Variants in SLC16A1 observed in about 807,000 individuals in gnomAD.
SLC16A1 encodes solute carrier family 16 member 1.
SLC16A1 carries 11 observed loss-of-function variants against 32.2 expected under a neutral mutation model. That is an observed-to-expected ratio of 0.34 (90% CI 0.21 to 0.56). SLC16A1 has a LOEUF of 0.56. Ranked by LOEUF, SLC16A1 falls within the 20% of genes least tolerant of loss-of-function variation. The pLI is 0.87. For synonymous variants in SLC16A1, 231 were observed against 226.8 expected (o/e 1.02, Z -0.17); for missense variants, 435 against 615.0 (o/e 0.71, Z 3.10).
chr1:112,944,208 T>C (rs1223812345), intron 1 of SLC16A1, among the ~76,000 whole-genome samples: 2 of 152,144 alleles, frequency 1.3e-5, no homozygotes, highest in African/African-American at 2.4e-5. Context: ...CCCAGCACTT[T>C]GGGAGGCAGA....
intron 1 of SLC16A1, among the ~76,000 whole-genome samples, chr1:112,942,179 C>T (rs1378318288): frequency 6.6e-6 from 1 of 152,010 alleles, no homozygotes. Flanking sequence ...ACCATGACGG[C>T]CAGGCTGGTC....
At chr1:112,948,669 G>C (rs1388417042) in intron 1 of SLC16A1, among the ~76,000 whole-genome samples, 2 of 151,282 alleles carry the variant, frequency 1.3e-5, no homozygotes, top group Non-Finnish European at 2.9e-5. Flanking sequence ...ATGCCCAGCT[G>C]ATTTTTATAT....
At chr1:112,932,541 A>T (rs1453090052) in intron 1 of SLC16A1, among the ~76,000 whole-genome samples, 1 of 152,004 alleles carries the variant, frequency 6.6e-6, no homozygotes, top group Non-Finnish European at 1.5e-5. Flanking sequence ...GGTGGCTCAC[A>T]CCTGTAATCC....
intron 1 of SLC16A1, among the ~76,000 whole-genome samples, chr1:112,930,669 G>A (rs1400038895): frequency 6.6e-6 from 1 of 150,660 alleles, no homozygotes; most frequent in East Asian, 1.9e-4. Context: ...TGCCCCATTT[G>A]ACTTATCTGC....
chr1:112,943,566 T>C (rs1260455314), intron 1 of SLC16A1, among the ~76,000 whole-genome samples: 1 of 152,010 alleles, frequency 6.6e-6, no homozygotes, highest in Non-Finnish European at 1.5e-5. Context: ...GGCGGGTGGA[T>C]CACCTGAGGT....
rs138983936 is a variant in SLC16A1 at position 112,915,276 on chromosome 1, A to G, written c.1229-1111T>C. On this transcript the variant is annotated intron_variant, in intron 4 of 4. Coordinates refer to ENST00000369626, the MANE Select transcript of SLC16A1 (RefSeq NM_003051.4). ...CAAGAAAGCTTTCCTTAAAGTGTCA[A>G]CTTAGCTGGGATTTGCAGGATAGGA... Among the ~76,000 whole-genome samples the G allele has an allele frequency of 9.3e-4, 142 of 152,312 alleles. 2 individuals are homozygous for G. Among genetic ancestry groups the G allele is most frequent in the Non-Finnish European group, 1.7e-3 (116 of 68,018 alleles).
intron 1 of SLC16A1, among the ~76,000 whole-genome samples, chr1:112,937,573 T>C (rs1020066379): frequency 2.0e-5 from 3 of 152,122 alleles, no homozygotes; most frequent in Non-Finnish European, 2.9e-5. Context: ...AAGCATATTA[T>C]TTCCTTTTTT....
chr1:112,934,512 T>C (rs1649233557), intron 1 of SLC16A1, among the ~76,000 whole-genome samples: 1 of 152,214 alleles, frequency 6.6e-6, no homozygotes, highest in Admixed American at 6.5e-5. Flanking sequence ...AGTTAGTAAA[T>C]TTTATTATGT....
At position 112,939,669 on chromosome 1, in the gene SLC16A1, C is replaced by T. The variant is rs12079494; in HGVS notation, c.-44-10317G>A. Among the ~76,000 whole-genome samples, 846 of 152,120 alleles carry T rather than the reference C, an allele frequency of 5.6e-3. 10 individuals carry two copies. The highest frequency in any genetic ancestry group is 0.019 in the African/African-American group (797 of 41,500). ...TACAAGCATGTGCCACCATGCCGGC[C>T]TAATTTTTGTATTATTAGTAGGAAG... On this transcript the variant is annotated intron_variant, in intron 1 of 4. Coordinates refer to ENST00000369626, the MANE Select transcript of SLC16A1 (RefSeq NM_003051.4).
chr1:112,921,140 CAAA>C (rs11352959), intron 3 of SLC16A1, among the ~76,000 whole-genome samples: 6 of 88,490 alleles, frequency 6.8e-5, no homozygotes, highest in Admixed American at 1.4e-4. Context: ...GACTCCGTCT[CAAA>C]AAAAAAAAAA....
intron 1 of SLC16A1, among the ~76,000 whole-genome samples, chr1:112,948,596 C>A (rs1487787874): frequency 1.3e-5 from 2 of 151,774 alleles, no homozygotes; most frequent in South Asian, 4.2e-4. Context: ...CTCCGTCTCC[C>A]GGGTTCAAGC....
At chr1:112,937,179 G>T (rs2149035) in intron 1 of SLC16A1, among the ~76,000 whole-genome samples, 3,825 of 152,188 alleles carry the variant, frequency 0.025, 73 homozygotes, top group Middle Eastern at 0.048. Context: ...CAGACAGTAG[G>T]GCTGTTTAAC....
In SLC16A1 at chr1:112,929,165, T is replaced by C. The variant is rs751662021; in HGVS notation, c.144A>G (p.Glu48=). Residue 48 remains glutamate (E), a synonymous_variant, in exon 2 of 5, where the codon GAA becomes GAG. Coordinates refer to ENST00000369626, the MANE Select transcript of SLC16A1 (RefSeq NM_003051.4). Reference sequence around the variant, plus strand: ...CGCTGGTGGTGGCATGGAATATACCTTCAATCTCTTTGAAGAAGACAGTAA... The same window carrying C: ...CGCTGGTGGTGGCATGGAATATACCCTCAATCTCTTTGAAGAAGACAGTAA... ...KSITVFFKEI[E]GIFHATTSEV... The C allele has an allele frequency of 1.2e-6, 2 of 1,614,150 alleles. No homozygotes were observed. The highest frequency in any genetic ancestry group is 2.2e-5 in the South Asian group (2 of 91,076).
intron 2 of SLC16A1, among the ~76,000 whole-genome samples, chr1:112,927,990 T>G (rs1453011880): frequency 6.6e-6 from 1 of 152,150 alleles, no homozygotes; most frequent in East Asian, 1.9e-4. Flanking sequence ...GCCTACAAAA[T>G]TATTGGCTCT....
chr1:112,934,690 G>T (rs548312584), intron 1 of SLC16A1, among the ~76,000 whole-genome samples: 17 of 152,150 alleles, frequency 1.1e-4, no homozygotes, highest in Non-Finnish European at 2.4e-4. Flanking sequence ...AGAGGAAGAA[G>T]ACAAAGATGA....
chr1:112,943,852 A>T (rs949646660), intron 1 of SLC16A1, among the ~76,000 whole-genome samples: 1 of 151,862 alleles, frequency 6.6e-6, no homozygotes, highest in Admixed American at 6.6e-5. Flanking sequence ...ATACAACTGT[A>T]TCATCATTTT....
intron 1 of SLC16A1, among the ~76,000 whole-genome samples, chr1:112,938,531 G>A (rs945645245): frequency 8.5e-5 from 13 of 152,296 alleles, no homozygotes; most frequent in Admixed American, 2.6e-4. Flanking sequence ...CAGCAATTAC[G>A]AAATGCATAA....
rs184798483 is a variant in SLC16A1 at position 112,923,688 on chromosome 1, A to C, written c.218-1555T>G. 9.8e-6 allele frequency: 15 copies of C among 1,529,670 alleles called. No individual in the cohort carries two copies. In the African/African-American group the frequency reaches 2.0e-4, roughly 21 times the overall value. 94.8% of individuals were successfully genotyped at this position (1,529,670 alleles called of 1,614,324 possible). ...CCGAGTGGACCTCTTCTACCTGCTCAGGCCAGACCACAGCACCCCGGTGGA... is the reference window on the plus strand; with the variant it reads ...CCGAGTGGACCTCTTCTACCTGCTCCGGCCAGACCACAGCACCCCGGTGGA... On this transcript the variant is annotated intron_variant, in intron 2 of 4. Coordinates refer to ENST00000369626, the MANE Select transcript of SLC16A1 (RefSeq NM_003051.4).
intron 1 of SLC16A1, among the ~76,000 whole-genome samples, chr1:112,953,768 G>C (rs879718697): frequency 6.6e-6 from 1 of 152,086 alleles, no homozygotes; most frequent in South Asian, 2.1e-4. Flanking sequence ...GTCTTGCCTG[G>C]CTAGCTCTTT....
Sources: allele counts gnomAD v4.1 joint callset (sites outside exome capture counted in the v4.1 genomes callset), GRCh38; gene constraint gnomAD v4.1.1; transcripts MANE v1.5; gene names NCBI Gene and HGNC (gene_info 2026-07-23, HGNC 2026-07-21).